THSD7B: variants seen among roughly 807,000 people sequenced by gnomAD.
THSD7B encodes thrombospondin type 1 domain containing 7B, also known as thrombospondin type-1 domain-containing protein 7B.
Under a neutral mutation model 213.6 loss-of-function variants are expected in THSD7B, and 138 were observed. The ratio of observed to expected loss-of-function variants is 0.65; its 90% confidence interval spans 0.56 to 0.74. THSD7B has a LOEUF of 0.74. THSD7B is among the 30% of genes least tolerant of loss of function. THSD7B has a pLI of 0.00. For synonymous variants in THSD7B, 742 were observed against 687.0 expected, an observed-to-expected ratio of 1.08 and a Z score of -1.25; for missense variants, 1,931 against 1,991.5, an observed-to-expected ratio of 0.97 and a Z score of 0.58.
intron 5 of THSD7B, among the ~76,000 whole-genome samples, chr2:137,128,626 C>T (rs10803554): frequency 0.52 from 78,299 of 151,994 alleles, 21,492 homozygotes; most frequent in Non-Finnish European, 0.59. Flanking sequence ...TTGAAACTTG[C>T]CTGAGTTCTC....
At chr2:137,221,110 A>ATCC (rs1681359398) in intron 7 of THSD7B, among the ~76,000 whole-genome samples, 1 of 152,064 alleles carries the variant, frequency 6.6e-6, no homozygotes, top group Non-Finnish European at 1.5e-5. Flanking sequence ...ACCACGGTGA[A>ATCC]ACCCCGTCTC....
chr2:137,132,756 G>A (rs1558932848), intron 5 of THSD7B, among the ~76,000 whole-genome samples: 1 of 152,150 alleles, frequency 6.6e-6, no homozygotes, highest in Non-Finnish European at 1.5e-5. Flanking sequence ...GTTTCAGGTT[G>A]CATGCTAGTG....
chr2:137,112,238 TAAAG>T (rs1293064704), intron 4 of THSD7B, among the ~76,000 whole-genome samples: 4 of 151,544 alleles, frequency 2.6e-5, no homozygotes, highest in Admixed American at 6.6e-5. Context: ...TTGAAAAAAA[TAAAG>T]AAAAAAGGTT....
chr2:137,492,827 G>C (rs1270010759), intron 15 of THSD7B, among the ~76,000 whole-genome samples: 2 of 152,026 alleles, frequency 1.3e-5, no homozygotes, highest in Admixed American at 6.6e-5. Flanking sequence ...AATAAACTAA[G>C]AAAAGTATCT....
intron 2 of THSD7B, among the ~76,000 whole-genome samples, chr2:136,915,407 C>A (rs900259699): frequency 6.6e-6 from 1 of 152,100 alleles, no homozygotes; most frequent in African/African-American, 2.4e-5. Context: ...TAGTGGCAGG[C>A]AATATAAGTA....
At chr2:137,032,735 G>T (rs552618955) in intron 2 of THSD7B, among the ~76,000 whole-genome samples, 9 of 152,208 alleles carry the variant, frequency 5.9e-5, no homozygotes, top group African/African-American at 2.2e-4. Flanking sequence ...ATTTTAGAAA[G>T]CAGATTATAG....
chr2:137,413,035 A>G (rs1686706513), intron 14 of THSD7B, among the ~76,000 whole-genome samples: 1 of 152,172 alleles, frequency 6.6e-6, no homozygotes, highest in African/African-American at 2.4e-5. Flanking sequence ...TATAATGTAC[A>G]AGCTAAGTAA....
chr2:136,813,691 A>AT (rs1472290490), intron 1 of THSD7B, among the ~76,000 whole-genome samples: 11 of 152,050 alleles, frequency 7.2e-5, no homozygotes, highest in Admixed American at 3.9e-4. Flanking sequence ...TCTAAGAGTG[A>AT]TTTTTTGTTG....
chr2:137,530,016 T>C (rs975943102), intron 15 of THSD7B, among the ~76,000 whole-genome samples: 3 of 152,090 alleles, frequency 2.0e-5, no homozygotes, highest in Non-Finnish European at 4.4e-5. Context: ...TGAAAAACAG[T>C]TATTGTTAAT....
intron 17 of THSD7B, among the ~76,000 whole-genome samples, chr2:137,598,543 G>C (rs758056895): frequency 1.1e-4 from 16 of 152,266 alleles, no homozygotes; most frequent in Non-Finnish European, 1.3e-4. Flanking sequence ...GCATTTATTA[G>C]ACAGTTATAA....
intron 20 of THSD7B, among the ~76,000 whole-genome samples, chr2:137,637,618 A>G (rs908517592): frequency 1.3e-5 from 2 of 152,238 alleles, no homozygotes; most frequent in Non-Finnish European, 1.5e-5. Context: ...TGTGCTTCCA[A>G]TGAATGGTCT....
rs1327616553 is a variant in THSD7B at position 137,094,904 on chromosome 2, G to T, written c.982G>T (p.Val328Phe). 1.2e-6 allele frequency: 2 copies of T among 1,613,364 alleles called. No homozygotes were observed. Among genetic ancestry groups the T allele is most frequent in the Admixed American group, 1.7e-5 (1 of 59,928 alleles). ...CCTTCAAGATTCCTTCCCATTGACT[G>T]TTCAGTCCTGCATCATGCCCAAAGA... is the stretch of plus-strand genomic sequence containing the variant. ...LCLQDSFPLT[V>F]QSCIMPKDCE... The change falls in exon 4 of 28, where the codon GTT (valine) becomes TTT (phenylalanine). Residue 328 changes from valine to phenylalanine, a missense_variant. Physicochemically the swap from Val to Phe is conservative, Grantham distance 50 (BLOSUM62 -1). Transcript: ENST00000409968.
chr2:137,571,204 A>G (rs895671403), intron 16 of THSD7B, among the ~76,000 whole-genome samples: 14 of 152,208 alleles, frequency 9.2e-5, no homozygotes, highest in Admixed American at 5.2e-4. Flanking sequence ...TCATTGGAAC[A>G]GGATCATATG....
intron 15 of THSD7B, chr2:137,538,442 C>T: frequency 2.0e-6 from 1 of 499,268 alleles, no homozygotes; most frequent in Non-Finnish European, 3.9e-6. Flanking sequence ...ATATAATTTT[C>T]TTTCCCTTTT....
At chr2:137,476,650 C>T (rs1225458065) in intron 15 of THSD7B, among the ~76,000 whole-genome samples, 1 of 152,082 alleles carries the variant, frequency 6.6e-6, no homozygotes, top group African/African-American at 2.4e-5. Context: ...AGCTCACTGC[C>T]ACCTCCATCT....
chr2:137,616,125 T>C, intron 17 of THSD7B, 50 bp from the exon 18 acceptor site: 3 of 1,593,354 alleles, frequency 1.9e-6, no homozygotes. Flanking sequence ...CTTATATAAT[T>C]TATCAAATAA....
At chr2:137,099,409 G>A (rs550792438) in intron 4 of THSD7B, among the ~76,000 whole-genome samples, 85 of 152,166 alleles carry the variant, frequency 5.6e-4, no homozygotes, top group Non-Finnish European at 7.3e-5. Flanking sequence ...GAAAGACAAA[G>A]AACGTAGAGC....
At chr2:136,955,168 T>C (rs1181720460) in intron 2 of THSD7B, among the ~76,000 whole-genome samples, 2 of 152,168 alleles carry the variant, frequency 1.3e-5, no homozygotes, top group Admixed American at 1.3e-4. Context: ...AACTCTGCTT[T>C]TGTTTGAACC....
intron 17 of THSD7B, among the ~76,000 whole-genome samples, chr2:137,615,361 AG>A (rs896935468): frequency 6.6e-6 from 1 of 152,216 alleles, no homozygotes; most frequent in Non-Finnish European, 1.5e-5. Context: ...GACAGGAGTG[AG>A]GCTTGATTAG....
Sources: gnomAD v4.1 joint callset for allele counts (sites outside exome capture counted in the v4.1 genomes callset) on GRCh38, gnomAD v4.1.1 for gene constraint, MANE v1.5 for transcripts, NCBI Gene and HGNC (gene_info 2026-07-23, HGNC 2026-07-21) for gene names.